The following MDGA2 variants were observed in gnomAD, a reference collection of about 807,000 sequenced individuals.
MDGA2 encodes MAM domain containing glycosylphosphatidylinositol anchor 2, also known as MAM domain-containing glycosylphosphatidylinositol anchor protein 2.
In MDGA2, 40 loss-of-function variants were observed where a neutral mutation model predicts 117.8. The observed-to-expected ratio is 0.34, with a 90% CI of 0.26 to 0.44. MDGA2 has a LOEUF of 0.44. MDGA2 is among the 20% of genes least tolerant of loss of function. MDGA2 has a pLI of 1.00. For missense variants in MDGA2, 1,123 were observed against 1,250.6 expected (o/e 0.90, Z 1.54); for synonymous variants, 452 against 439.0 (o/e 1.03, Z -0.37).
rs111841774 is a variant in MDGA2, at chr14:47,266,331, A to G, written c.420+35080T>C. 4.4e-3 allele frequency among the ~76,000 whole-genome samples: 676 copies of G among 152,222 alleles called. 1 individual carries two copies. Among genetic ancestry groups the G allele is most frequent in the Non-Finnish European group, 6.6e-3 (450 of 68,012 alleles). On this transcript the variant is annotated intron_variant, in intron 2 of 16. Coordinates refer to ENST00000399232, the MANE Select transcript of MDGA2 (RefSeq NM_001113498.3). ...GTCCTTCACTCCCTACATATATTCA[A>G]TCACTAAATCCCATAGGCTATACTT...
At chr14:47,632,409 T>C (rs2138225846) in intron 1 of MDGA2, among the ~76,000 whole-genome samples, 1 of 152,336 alleles carries the variant, frequency 6.6e-6, no homozygotes, top group African/African-American at 2.4e-5. Flanking sequence ...CTGGCTGCTA[T>C]TATCTAGTAC....
At chr14:47,587,784 T>G (rs1566528443) in intron 1 of MDGA2, among the ~76,000 whole-genome samples, 1 of 152,094 alleles carries the variant, frequency 6.6e-6, no homozygotes, top group East Asian at 1.9e-4. Flanking sequence ...TTTAGTATAT[T>G]CGCAGAATTC....
intron 3 of MDGA2, among the ~76,000 whole-genome samples, chr14:47,206,137 CATTAAG>C (rs1229248703): frequency 1.3e-5 from 2 of 151,958 alleles, no homozygotes; most frequent in Admixed American, 6.6e-5. Context: ...AGAGAACTGC[CATTAAG>C]ATTATTAGTT....
At chr14:47,118,432 A>G (rs1263031491) in intron 5 of MDGA2, among the ~76,000 whole-genome samples, 7 of 152,190 alleles carry the variant, frequency 4.6e-5, no homozygotes, top group Admixed American at 4.6e-4. Flanking sequence ...ACATTGGATC[A>G]CCTATGAATT....
At chr14:46,882,519 G>A (rs1282623133) in intron 10 of MDGA2, among the ~76,000 whole-genome samples, 1 of 150,428 alleles carries the variant, frequency 6.6e-6, no homozygotes, top group Non-Finnish European at 1.5e-5. Flanking sequence ...AGAGATCAAA[G>A]TTTAGCTACT....
intron 2 of MDGA2, among the ~76,000 whole-genome samples, chr14:47,242,974 CCT>C (rs1887109951): frequency 6.6e-6 from 1 of 151,778 alleles, no homozygotes; most frequent in South Asian, 2.1e-4. Flanking sequence ...CAATCAGCAC[CCT>C]GTGTTTAGCT....
chr14:47,445,174 T>G (rs1049223660), intron 1 of MDGA2, among the ~76,000 whole-genome samples: 1 of 152,108 alleles, frequency 6.6e-6, no homozygotes, highest in Non-Finnish European at 1.5e-5. Context: ...TCTCCTGGTA[T>G]GCTTTCTCCA....
chr14:47,319,987 A>G (rs1192393477), intron 1 of MDGA2, among the ~76,000 whole-genome samples: 1 of 152,182 alleles, frequency 6.6e-6, no homozygotes, highest in East Asian at 1.9e-4. Context: ...CAAGCACACA[A>G]GAAGAATGCC....
At chr14:46,926,748 A>G (rs1884347821) in intron 9 of MDGA2, among the ~76,000 whole-genome samples, 1 of 152,162 alleles carries the variant, frequency 6.6e-6, no homozygotes, top group Non-Finnish European at 1.5e-5. Flanking sequence ...ATGTTTAATC[A>G]GGGAAATGAT....
chr14:47,435,425 G>A (rs1892877549), intron 1 of MDGA2, among the ~76,000 whole-genome samples: 1 of 151,862 alleles, frequency 6.6e-6, no homozygotes, highest in Non-Finnish European at 1.5e-5. Flanking sequence ...TTTTCACCTG[G>A]ACCCACACAT....
At chr14:47,389,453 A>G (rs1891838723) in intron 1 of MDGA2, among the ~76,000 whole-genome samples, 1 of 152,204 alleles carries the variant, frequency 6.6e-6, no homozygotes, top group Admixed American at 6.5e-5. Context: ...GCATACATGT[A>G]GAATACTTAT....
chr14:47,386,080 G>A (rs773585667), intron 1 of MDGA2, among the ~76,000 whole-genome samples: 1 of 151,964 alleles, frequency 6.6e-6, no homozygotes, highest in African/African-American at 2.4e-5. Flanking sequence ...TCAGGAGTTC[G>A]AGACCAGCCT....
intron 1 of MDGA2, among the ~76,000 whole-genome samples, chr14:47,478,662 C>T (rs1329599154): frequency 6.6e-6 from 1 of 152,184 alleles, no homozygotes; most frequent in African/African-American, 2.4e-5. Flanking sequence ...GGACATGAGC[C>T]ACTGCACCTG....
chr14:47,346,362 G>C (rs921840233), intron 1 of MDGA2, among the ~76,000 whole-genome samples: 27 of 152,092 alleles, frequency 1.8e-4, no homozygotes, highest in African/African-American at 6.5e-4. Flanking sequence ...AATCTGCTAG[G>C]CATCATATAA....
intron 9 of MDGA2, 137 bp from the exon 10 acceptor site, chr14:46,920,297 T>C (rs1021212949): frequency 2.3e-5 from 18 of 797,158 alleles, no homozygotes; most frequent in Non-Finnish European, 3.1e-5. Flanking sequence ...TCTGGATATG[T>C]TTTGAGAACA....
chr14:47,327,354 G>A (rs973896259), intron 1 of MDGA2, among the ~76,000 whole-genome samples: 2 of 152,136 alleles, frequency 1.3e-5, no homozygotes, highest in Non-Finnish European at 2.9e-5. Context: ...GCGCATTTGT[G>A]TGCCTTTATA....
intron 1 of MDGA2, among the ~76,000 whole-genome samples, chr14:47,469,022 C>T (rs1056667004): frequency 6.6e-6 from 1 of 151,962 alleles, no homozygotes; most frequent in Non-Finnish European, 1.5e-5. Flanking sequence ...GCATGATATA[C>T]TCCAAAGAAA....
chr14:47,099,409 C>T (rs1052108075), intron 5 of MDGA2, among the ~76,000 whole-genome samples: 1 of 151,710 alleles, frequency 6.6e-6, no homozygotes, highest in African/African-American at 2.4e-5. Flanking sequence ...ATATTTTTGT[C>T]CATTAAAATA....
chr14:47,171,960 G>T (rs1459395957), intron 3 of MDGA2, among the ~76,000 whole-genome samples: 2 of 152,130 alleles, frequency 1.3e-5, no homozygotes, highest in African/African-American at 2.4e-5. Context: ...GCGCTTTTCC[G>T]ACGGGCTTAA....
Sources: allele counts gnomAD v4.1 joint callset (sites outside exome capture counted in the v4.1 genomes callset), GRCh38; gene constraint gnomAD v4.1.1; transcripts MANE v1.5; gene names NCBI Gene and HGNC (gene_info 2026-07-23, HGNC 2026-07-21).